Variants in DDX10 observed in about 807,000 individuals in gnomAD.
The protein encoded by DDX10 is probable ATP-dependent RNA helicase DDX10.
In DDX10, 74 loss-of-function variants were observed where a neutral mutation model predicts 104.3. The ratio of observed to expected loss-of-function variants is 0.71; its 90% CI spans 0.59 to 0.86. DDX10 has a LOEUF of 0.86. Among genes scored for constraint, DDX10 ranks in the 40% least tolerant of loss-of-function variants. DDX10 has a pLI of 0.00. For missense variants in DDX10, 952 were observed against 1,040.0 expected, an observed-to-expected ratio of 0.92 and a Z score of 1.16; for synonymous variants, 351 against 353.4, an observed-to-expected ratio of 0.99 and a Z score of 0.08.
intron 15 of DDX10, among the ~76,000 whole-genome samples, chr11:108,850,715 A>G (rs1472030764): frequency 1.3e-5 from 2 of 152,156 alleles, no homozygotes; most frequent in Non-Finnish European, 2.9e-5. Context: ...GGATACAAAT[A>G]CTATGTACGA....
At chr11:108,749,642 A>G (rs2094336034) in intron 13 of DDX10, among the ~76,000 whole-genome samples, 1 of 152,210 alleles carries the variant, frequency 6.6e-6, no homozygotes, top group Non-Finnish European at 1.5e-5. Flanking sequence ...AGTTGGATGA[A>G]TCACATTTAA....
At chr11:108,786,376 A>C (rs1473001301) in intron 13 of DDX10, among the ~76,000 whole-genome samples, 1 of 151,052 alleles carries the variant, frequency 6.6e-6, no homozygotes, top group Non-Finnish European at 1.5e-5. Context: ...TCAGTTGTTC[A>C]AGTATCGAGT....
At chr11:108,890,426 C>T (rs1863359845) in intron 16 of DDX10, among the ~76,000 whole-genome samples, 1 of 152,128 alleles carries the variant, frequency 6.6e-6, no homozygotes, top group African/African-American at 2.4e-5. Context: ...CAAATGCCCT[C>T]GGCTATTCCT....
chr11:108,695,769 T>G (rs962623323), intron 9 of DDX10, among the ~76,000 whole-genome samples: 8 of 151,904 alleles, frequency 5.3e-5, no homozygotes, highest in African/African-American at 1.7e-4. Context: ...TGTTTTTTTT[T>G]TTTGTTTTTT....
chr11:108,849,572 T>A (rs1311572361), intron 15 of DDX10, among the ~76,000 whole-genome samples: 1 of 152,046 alleles, frequency 6.6e-6, no homozygotes, highest in Non-Finnish European at 1.5e-5. Flanking sequence ...ACCTTGAAAT[T>A]TGATTTTCTG....
intron 17 of DDX10, among the ~76,000 whole-genome samples, chr11:108,931,428 A>G (rs1237886600): frequency 1.3e-5 from 2 of 152,166 alleles, no homozygotes; most frequent in African/African-American, 2.4e-5. Context: ...GGTCAGACTG[A>G]CTCCAAAGCC....
At chr11:108,735,848 A>G (rs1408401792) in intron 13 of DDX10, among the ~76,000 whole-genome samples, 1 of 152,196 alleles carries the variant, frequency 6.6e-6, no homozygotes, top group Non-Finnish European at 1.5e-5. Flanking sequence ...TTGCACTAGC[A>G]GGTTGATTGG....
At chr11:108,886,151 A>G (rs928526494) in intron 16 of DDX10, among the ~76,000 whole-genome samples, 1 of 152,204 alleles carries the variant, frequency 6.6e-6, no homozygotes, top group East Asian at 1.9e-4. Flanking sequence ...GGAAGGGTAT[A>G]TGATTCATTC....
At chr11:108,923,188 A>G (rs1377058001) in intron 17 of DDX10, among the ~76,000 whole-genome samples, 1 of 152,186 alleles carries the variant, frequency 6.6e-6, no homozygotes, top group Non-Finnish European at 1.5e-5. Context: ...TCTCTGTTTC[A>G]GTGGGCTTTG....
At chr11:108,789,633 A>T (rs1861843620) in intron 13 of DDX10, among the ~76,000 whole-genome samples, 1 of 152,220 alleles carries the variant, frequency 6.6e-6, no homozygotes, top group South Asian at 2.1e-4. Context: ...GAATGACTGA[A>T]GTTCTACTTC....
At chr11:108,850,753 TGGA>T (rs1000875166) in intron 15 of DDX10, among the ~76,000 whole-genome samples, 7 of 152,092 alleles carry the variant, frequency 4.6e-5, no homozygotes, top group African/African-American at 7.2e-5. Context: ...AATGTTCCAG[TGGA>T]GGAGTATGAA....
chr11:108,862,827 G>C (rs950002846), intron 16 of DDX10, among the ~76,000 whole-genome samples: 1 of 152,166 alleles, frequency 6.6e-6, no homozygotes, highest in African/African-American at 2.4e-5. Context: ...AGGACACTAA[G>C]AGCTATTGAA....
At chr11:108,790,455 G>A (rs1861855622) in intron 13 of DDX10, among the ~76,000 whole-genome samples, 1 of 152,108 alleles carries the variant, frequency 6.6e-6, no homozygotes, top group South Asian at 2.1e-4. Context: ...TTCTCAGGTG[G>A]ATTGTAGCCA....
intron 6 of DDX10, among the ~76,000 whole-genome samples, chr11:108,683,240 G>T (rs2094238037): frequency 6.6e-6 from 1 of 152,142 alleles, no homozygotes; most frequent in Non-Finnish European, 1.5e-5. Context: ...TTCCCAGTTG[G>T]TTGGTTTTTG....
intron 13 of DDX10, among the ~76,000 whole-genome samples, chr11:108,825,403 A>G (rs1404029953): frequency 6.6e-6 from 1 of 152,222 alleles, no homozygotes; most frequent in Non-Finnish European, 1.5e-5. Context: ...AAAGTGTTCC[A>G]AGTTAAACCT....
chr11:108,750,034 A>G (rs1363510314), intron 13 of DDX10, among the ~76,000 whole-genome samples: 1 of 152,170 alleles, frequency 6.6e-6, no homozygotes, highest in Non-Finnish European at 1.5e-5. Flanking sequence ...CAAAATCTGT[A>G]TAAAGTACAG....
rs1294338529 is a variant in DDX10 at position 108,917,101 on chromosome 11, C to T, written c.2305-772C>T. Reference sequence around the variant, plus strand: ...GTTTTTAAGAGATGGGATCTCACTCCATCACCCAAGCTGGCATGCAGTGGT... The same window carrying T: ...GTTTTTAAGAGATGGGATCTCACTCTATCACCCAAGCTGGCATGCAGTGGT... On this transcript the variant is annotated intron_variant, in intron 16 of 17. Coordinates refer to ENST00000322536, the MANE Select transcript of DDX10 (RefSeq NM_004398.4). 4.0e-5 allele frequency among the ~76,000 whole-genome samples: 6 copies of T among 151,390 alleles called. No homozygotes were observed. The South Asian group carries it at 1.3e-3, about 32-fold the overall frequency.
intron 13 of DDX10, among the ~76,000 whole-genome samples, chr11:108,752,398 GTGGGA>G (rs1463691300): frequency 2.0e-5 from 3 of 152,124 alleles, no homozygotes; most frequent in Non-Finnish European, 4.4e-5. Flanking sequence ...TTTCTTTCCT[GTGGGA>G]TGAATTGGGT....
chr11:108,936,064 A>C (rs1206070735), intron 17 of DDX10, among the ~76,000 whole-genome samples: 3 of 152,202 alleles, frequency 2.0e-5, no homozygotes, highest in Non-Finnish European at 4.4e-5. Context: ...AATATTGAAA[A>C]TAACCCATGA....
Sources: allele counts gnomAD v4.1 joint callset (sites outside exome capture counted in the v4.1 genomes callset), GRCh38; gene constraint gnomAD v4.1.1; transcripts MANE v1.5; gene names NCBI Gene and HGNC (gene_info 2026-07-23, HGNC 2026-07-21).